H6PD: variants seen among roughly 807,000 people sequenced by gnomAD.
H6PD encodes GDH/6PGL endoplasmic bifunctional protein.
H6PD carries 48 observed loss-of-function variants against 61.2 expected under a neutral mutation model. The ratio of observed to expected loss-of-function variants is 0.78; its 90% confidence interval spans 0.62 to 1.00. The LOEUF (loss-of-function observed/expected upper bound fraction) is 1.00, where lower values mean the gene tolerates loss of function less well. Ranked by LOEUF, H6PD falls within the 50% of genes least tolerant of loss-of-function variation. H6PD has a pLI of 0.00. For synonymous variants in H6PD, 480 were observed against 457.9 expected (o/e 1.05, Z -0.62); for missense variants, 1,093 against 1,065.0 (o/e 1.03, Z -0.37).
rs1285678923 is a variant in H6PD at position 9,259,801 on chromosome 1, CTGT to C, written c.746-2253_746-2251del. ...TTGTTACACCAGTGTTGTTATGTTG[CTGT>C]TGTTACGGTGGTGTTATGTTGTTAT... On this transcript the variant is annotated intron_variant, in intron 3 of 4. Transcript: ENST00000377403. Among the ~76,000 whole-genome samples the C allele has an allele frequency of 4.7e-5, 7 of 148,074 alleles. No homozygotes were observed. The East Asian group carries it at 8.2e-4, about 17-fold the overall frequency.
chr1:9,239,653 A>T (rs966529153), intron 1 of H6PD, among the ~76,000 whole-genome samples: 7 of 152,218 alleles, frequency 4.6e-5, no homozygotes, highest in South Asian at 2.1e-4. Flanking sequence ...TGTTCTTTTT[A>T]AAAAATTCCA....
At position 9,264,176 on chromosome 1, in the gene H6PD, G is replaced by A. The variant is rs754852262; in HGVS notation, c.1683G>A (p.Glu561=). The A allele has an allele frequency of 9.3e-6, 15 of 1,612,110 alleles. No individual in the cohort carries two copies. The highest frequency in any genetic ancestry group is 1.1e-5 in the Non-Finnish European group (13 of 1,178,952). The change falls in exon 5 of 5, where the codon GAG becomes GAA. Residue 561 remains glutamate (E), a synonymous_variant. Coordinates refer to ENST00000377403, the MANE Select transcript of H6PD (RefSeq NM_004285.4). Reference sequence around the variant, plus strand: ...GCCCGCTGGTCTCCGCCTGGTCCGAGGAGCTGATCTCTAAGCTGGCTAATG... The same window carrying A: ...GCCCGCTGGTCTCCGCCTGGTCCGAAGAGCTGATCTCTAAGCTGGCTAATG... ...RESPLVSAWS[E]ELISKLANDI...
intron 3 of H6PD, among the ~76,000 whole-genome samples, chr1:9,261,591 G>A (rs868102496): frequency 6.6e-6 from 1 of 152,196 alleles, no homozygotes; most frequent in African/African-American, 2.4e-5. Flanking sequence ...TCATCCAAGG[G>A]CAGGATGCAG....
chr1:9,243,311 C>A (rs1382596556), intron 1 of H6PD, among the ~76,000 whole-genome samples: 2 of 152,180 alleles, frequency 1.3e-5, no homozygotes, highest in Non-Finnish European at 2.9e-5. Context: ...TAAGTTATCT[C>A]TTTAAACCTC....
chr1:9,264,151 G>T lies in H6PD; in HGVS notation c.1658G>T (p.Ser553Ile). The stretch of plus-strand genomic sequence containing the variant: ...GTCCTCAGGGCCAAGTACCGAGAGA[G>T]CCCGCTGGTCTCCGCCTGGTCCGAG... ...FQVLRAKYRE[S>I]PLVSAWSEEL... Residue 553 changes from serine (S) to isoleucine (I), a missense_variant, in exon 5 of 5, where the codon AGC (serine) becomes ATC (isoleucine). By Grantham distance (142) the Ser-to-Ile change is moderately radical. Transcript: ENST00000377403. The T allele has an allele frequency of 6.2e-7, 1 of 1,613,332 alleles. No homozygotes were observed. Among genetic ancestry groups the T allele is most frequent in the Non-Finnish European group, 8.5e-7 (1 of 1,179,610 alleles).
chr1:9,246,843 T>C (rs1641189336), intron 2 of H6PD, 123 bp from the exon 3 acceptor site: 1 of 785,740 alleles, frequency 1.3e-6, no homozygotes, highest in Non-Finnish European at 2.3e-6. Context: ...CCAGAACTAC[T>C]GCTCAGAGGG....
At chr1:9,262,981 C>T (rs949766917) in intron 4 of H6PD, among the ~76,000 whole-genome samples, 1 of 152,172 alleles carries the variant, frequency 6.6e-6, no homozygotes, top group African/African-American at 2.4e-5. Context: ...ATACTGTCAG[C>T]CCCTGGCTCT....
At position 9,264,709 on chromosome 1, in the gene H6PD, C is replaced by T. The variant is rs202198675; in HGVS notation, c.2216C>T (p.Ala739Val). The T allele has an allele frequency of 4.9e-5, 79 of 1,613,398 alleles. No individual in the cohort carries two copies. Among genetic ancestry groups the T allele is most frequent in the Non-Finnish European group, 6.4e-5 (76 of 1,180,018 alleles). Residue 739 changes from alanine to valine, a missense_variant, in exon 5 of 5, where the codon GCC becomes GTC. Coordinates refer to ENST00000377403, the MANE Select transcript of H6PD (RefSeq NM_004285.4). ...CTTAGCCTGCCTCTCATCAACCGCG[C>T]CAAGAAGGTGGCAGTCCTGGTCATG... ...MSLSLPLINR[A>V]KKVAVLVMGR...
intron 3 of H6PD, among the ~76,000 whole-genome samples, chr1:9,258,535 C>T (rs1055637665): frequency 1.3e-5 from 2 of 151,708 alleles, no homozygotes; most frequent in Admixed American, 1.3e-4. Context: ...GTTGCTGTTA[C>T]ACCAGTGTTG....
intron 1 of H6PD, among the ~76,000 whole-genome samples, chr1:9,236,558 G>A (rs542747021): frequency 2.0e-5 from 3 of 152,122 alleles, no homozygotes; most frequent in South Asian, 2.1e-4. Flanking sequence ...TGCTGGGGAG[G>A]CTAAGGCAGG....
rs1638443050 is a variant in H6PD at position 9,263,951 on chromosome 1, G to A, written c.1458G>A (p.Trp486Ter). The A allele has an allele frequency of 3.7e-6, 6 of 1,614,166 alleles. No individual in the cohort carries two copies. The East Asian group carries it at 8.9e-5, about 24-fold the overall frequency. The change falls in exon 5 of 5, where the codon TGG becomes TGA. Residue 486 changes from tryptophan (W) to a stop codon, truncating the protein, a stop_gained. Coordinates refer to ENST00000377403, the MANE Select transcript of H6PD (RefSeq NM_004285.4). LOFTEE classifies it high-confidence loss of function. ...ACTTGCTGGCCTCCTGGAACTTCTG[G>A]ACCCCTCTGCTGGAGAGCCTGGCCC... ...TENLLASWNF[W>*]TPLLESLAHK...
intron 3 of H6PD, among the ~76,000 whole-genome samples, chr1:9,256,578 C>G (rs767240659): frequency 6.6e-6 from 1 of 152,186 alleles, no homozygotes; most frequent in African/African-American, 2.4e-5. Flanking sequence ...GTGCCCAGGA[C>G]TGGCGCCATG....
chr1:9,243,425 G>C (rs1024697022), intron 1 of H6PD, among the ~76,000 whole-genome samples: 4 of 152,182 alleles, frequency 2.6e-5, no homozygotes, highest in Non-Finnish European at 5.9e-5. Context: ...CGCTAAATCA[G>C]CCATTCAGTT....
chr1:9,256,500 G>A (rs565870189), intron 3 of H6PD, among the ~76,000 whole-genome samples: 5 of 152,336 alleles, frequency 3.3e-5, no homozygotes, highest in African/African-American at 1.2e-4. Flanking sequence ...TGTTCCCCCA[G>A]CCATGACCTG....
intron 1 of H6PD, among the ~76,000 whole-genome samples, chr1:9,240,870 G>A (rs1640977329): frequency 1.3e-5 from 2 of 152,184 alleles, no homozygotes; most frequent in African/African-American, 4.8e-5. Context: ...AGCATGAGGA[G>A]GAGGCTTGGA....
In H6PD at chr1:9,242,799, C is replaced by G. The variant is rs937799481; in HGVS notation, c.-10-2126C>G. On this transcript the variant is annotated intron_variant, in intron 1 of 4. Transcript: ENST00000377403. ...CGCAGCCTGCCAGCTGGCGGCTCCT[C>G]CTTCTCCAGGCTGTTCTCTGGGCTT... 1.0e-5 allele frequency: 10 copies of G among 985,356 alleles called. No individual in the cohort carries two copies. The Admixed American group carries it at 3.1e-4, about 30-fold the overall frequency. 61.0% of individuals were successfully genotyped at this position (985,356 alleles called of 1,614,324 possible). A position where few individuals can be genotyped will look rare whatever the true frequency, so the allele number is the denominator to read the frequency against.
chr1:9,235,235 G>T (rs1020178629), intron 1 of H6PD, among the ~76,000 whole-genome samples, 169 bp downstream of exon 1: 7 of 152,068 alleles, frequency 4.6e-5, no homozygotes, highest in African/African-American at 1.7e-4. Context: ...TCCCTCCAGG[G>T]TCGCCCCGAG....
Position 9,263,657 on chromosome 1 carries a change from G to A in H6PD, c.1164G>A (p.Ala388=), listed in dbSNP as rs139280233. The change falls in exon 5 of 5, where the codon GCG becomes GCA. Residue 388 remains alanine (A), a synonymous_variant. Transcript: ENST00000377403. ...TGCAGAGCGAAAAGCACTGGGCCGC[G>A]GCGCAGAGCCAGTGCCTGCCCCGGC... ...CCVQSEKHWA[A]AQSQCLPRQL... 5.1e-4 allele frequency: 820 copies of A among 1,614,158 alleles called. 1 individual carries two copies. In the East Asian group the frequency reaches 6.7e-3, roughly 13 times the overall value.
chr1:9,237,236 C>CTCTTTTTTTTTTTTTT, intron 1 of H6PD, among the ~76,000 whole-genome samples: 1 of 71,082 alleles, frequency 1.4e-5, no homozygotes, highest in Non-Finnish European at 2.8e-5. Context: ...TTTGACTTCT[C>CTCTTTTTTTTTTTTTT]TTTTTTTTTT....
Sources: allele counts gnomAD v4.1 joint callset (sites outside exome capture counted in the v4.1 genomes callset), GRCh38; gene constraint gnomAD v4.1.1; transcripts MANE v1.5; gene names NCBI Gene and HGNC (gene_info 2026-07-23, HGNC 2026-07-21).